The following UNC13C variants were observed in gnomAD, a reference collection of about 807,000 sequenced individuals.
The protein encoded by UNC13C is protein unc-13 homolog C.
Under a neutral mutation model 245.4 loss-of-function variants are expected in UNC13C, and 174 were observed. The observed-to-expected ratio is 0.71, with a 90% confidence interval of 0.63 to 0.80. The LOEUF is 0.80. UNC13C is among the 30% of genes least tolerant of loss of function. UNC13C has a pLI of 0.00. For synonymous variants in UNC13C, 992 were observed against 895.1 expected, an observed-to-expected ratio of 1.11 and a Z score of -1.93; for missense variants, 2,829 against 2,602.9, an observed-to-expected ratio of 1.09 and a Z score of -1.89.
intron 13 of UNC13C, among the ~76,000 whole-genome samples, chr15:54,309,010 G>A (rs1162952650): frequency 6.6e-6 from 1 of 151,602 alleles, no homozygotes; most frequent in Non-Finnish European, 1.5e-5. Flanking sequence ...ATTTTCTTTG[G>A]CTATAAGCCC....
chr15:54,417,643 T>G (rs1229307910), intron 19 of UNC13C, among the ~76,000 whole-genome samples: 8 of 152,134 alleles, frequency 5.3e-5, no homozygotes, highest in Non-Finnish European at 1.5e-5. Flanking sequence ...TTTTAATGCT[T>G]TTTAGTAGAA....
the UNC13C span, among the ~76,000 whole-genome samples, chr15:53,936,668 G>A: frequency 5.1e-4 from 78 of 152,322 alleles, 1 homozygote; most frequent in South Asian, 0.014. Flanking sequence ...CCAGAGGAAG[G>A]AGCAGGCTGC....
At chr15:53,913,605 A>G in the UNC13C span, 1 of 152,238 alleles carries the variant, frequency 6.6e-6, no homozygotes, top group Non-Finnish European at 1.5e-5. Flanking sequence ...TAATGACCCC[A>G]TCGACTGGGA....
chr15:54,496,577 A>G (rs916856038), intron 20 of UNC13C, among the ~76,000 whole-genome samples: 2 of 152,082 alleles, frequency 1.3e-5, no homozygotes, highest in African/African-American at 4.8e-5. Flanking sequence ...GTGGATAAAG[A>G]AATTGTGGTG....
chr15:54,623,991 A>T (rs1488481729), intron 32 of UNC13C, 37 bp downstream of exon 32: 11 of 1,611,032 alleles, frequency 6.8e-6, no homozygotes, highest in Non-Finnish European at 9.3e-6. Context: ...TCTACCAGGC[A>T]ATAGTTACTG....
chr15:54,155,568 A>G (rs1464203268), intron 4 of UNC13C, among the ~76,000 whole-genome samples: 6 of 92,626 alleles, frequency 6.5e-5, no homozygotes, highest in Non-Finnish European at 6.4e-5. Flanking sequence ...ATAGAATATC[A>G]TTTCTTATAT....
At chr15:53,965,864 A>T in the UNC13C span, among the ~76,000 whole-genome samples, 9 of 151,970 alleles carry the variant, frequency 5.9e-5, no homozygotes, top group African/African-American at 2.2e-4. Context: ...ATGATTTCCA[A>T]TTTCATCCAT....
chr15:54,131,414 T>G (rs1192393408), intron 2 of UNC13C, among the ~76,000 whole-genome samples: 1 of 152,240 alleles, frequency 6.6e-6, no homozygotes, highest in African/African-American at 2.4e-5. Context: ...CTATTTACTT[T>G]CCATGGTTTC....
At chr15:54,546,698 T>A in intron 26 of UNC13C, 24 bp from the exon 27 acceptor site, 1 of 1,245,812 alleles carries the variant, frequency 8.0e-7, no homozygotes, top group South Asian at 1.8e-5. Flanking sequence ...TAAAAGTGAA[T>A]ATATATATAT....
At chr15:54,306,084 A>C (rs986164694) in intron 13 of UNC13C, among the ~76,000 whole-genome samples, 8 of 152,186 alleles carry the variant, frequency 5.3e-5, no homozygotes, top group Middle Eastern at 3.4e-3. Context: ...CTTTTCAGAC[A>C]AAAGAGTCTG....
At chr15:54,416,252 C>T (rs978203406) in intron 19 of UNC13C, among the ~76,000 whole-genome samples, 1 of 152,134 alleles carries the variant, frequency 6.6e-6, no homozygotes, top group Non-Finnish European at 1.5e-5. Flanking sequence ...AAATAGGTTG[C>T]GAGAGTGAGA....
chr15:54,176,702 A>C lies in UNC13C; in HGVS notation c.3071+33018A>C, dbSNP rs1242519672. On this transcript the variant is annotated intron_variant, in intron 4 of 32. Transcript: ENST00000260323. Reference sequence around the variant, plus strand: ...AGTCTGACATTGAAGAATAAATTTAATAATATCAAATAGTAACTTAAAAGC... The same window carrying C: ...AGTCTGACATTGAAGAATAAATTTACTAATATCAAATAGTAACTTAAAAGC... Among the ~76,000 whole-genome samples the C allele has an allele frequency of 2.0e-5, 3 of 152,274 alleles. No homozygotes were observed. The East Asian group carries it at 5.8e-4, about 29-fold the overall frequency.
At chr15:53,941,747 AG>A in the UNC13C span, among the ~76,000 whole-genome samples, 1 of 152,238 alleles carries the variant, frequency 6.6e-6, no homozygotes, top group Non-Finnish European at 1.5e-5. Context: ...AAGTAGGCAA[AG>A]GATATGAACA....
At chr15:54,172,399 A>G (rs1216537085) in intron 4 of UNC13C, among the ~76,000 whole-genome samples, 4 of 151,750 alleles carry the variant, frequency 2.6e-5, no homozygotes, top group Non-Finnish European at 5.9e-5. Flanking sequence ...GGTACACACA[A>G]TTTTTTAAAT....
chr15:54,450,629 A>G (rs1239791346), intron 19 of UNC13C, among the ~76,000 whole-genome samples: 3 of 152,216 alleles, frequency 2.0e-5, no homozygotes, highest in East Asian at 1.9e-4. Flanking sequence ...AAAGCACAGT[A>G]TTAGGGTGGG....
the UNC13C span, among the ~76,000 whole-genome samples, chr15:53,959,281 T>C: frequency 6.8e-6 from 1 of 148,038 alleles, no homozygotes; most frequent in Non-Finnish European, 1.5e-5. Flanking sequence ...AGATATACTG[T>C]TTTTTTTTTC....
In UNC13C at chr15:54,477,499, T is replaced by C. The variant is rs1019499521; in HGVS notation, c.4934-17109T>C. Among the ~76,000 whole-genome samples the C allele has an allele frequency of 3.6e-5, 4 of 111,262 alleles. 1 individual carries two copies. Among genetic ancestry groups the C allele is most frequent in the Non-Finnish European group, 7.8e-5 (4 of 51,556 alleles). The allele number at this position is 111,262 out of a possible 152,430, so 73.0% of individuals were successfully genotyped here. On this transcript the variant is annotated intron_variant, in intron 19 of 32. Coordinates refer to ENST00000260323, the MANE Select transcript of UNC13C (RefSeq NM_001080534.3). The stretch of plus-strand genomic sequence containing the variant: ...ATACGTCCCATCAATACCTAATTTA[T>C]TGAGAGTTTTTAGCATGAAGCGTTG...
intron 17 of UNC13C, among the ~76,000 whole-genome samples, chr15:54,389,662 C>T (rs1017689305): frequency 1.3e-5 from 2 of 151,920 alleles, no homozygotes; most frequent in African/African-American, 4.8e-5. Context: ...CCATTTTACT[C>T]ATAATTATTC....
At chr15:54,190,088 A>C (rs1428155363) in intron 4 of UNC13C, among the ~76,000 whole-genome samples, 1 of 152,128 alleles carries the variant, frequency 6.6e-6, no homozygotes, top group African/African-American at 2.4e-5. Context: ...GTAATGGATA[A>C]GGTCACACCT....
Sources: gnomAD v4.1 joint callset for allele counts (sites outside exome capture counted in the v4.1 genomes callset) on GRCh38, gnomAD v4.1.1 for gene constraint, MANE v1.5 for transcripts, NCBI Gene and HGNC (gene_info 2026-07-23, HGNC 2026-07-21) for gene names.